GNG12: variants seen among roughly 807,000 people sequenced by gnomAD.
GNG12 encodes G protein subunit gamma 12.
For missense variants in GNG12, 69 were observed against 83.8 expected (o/e 0.82, Z 0.69); for synonymous variants, 28 against 29.7 (o/e 0.94, Z 0.19).
At chr1:67,750,967 C>T (rs1255308333) in intron 2 of GNG12, among the ~76,000 whole-genome samples, 1 of 152,170 alleles carries the variant, frequency 6.6e-6, no homozygotes, top group Admixed American at 6.5e-5. Context: ...ATAACACTAA[C>T]AGGTAAGGAG....
chr1:67,722,900 T>C (rs1646364038), intron 2 of GNG12, among the ~76,000 whole-genome samples: 1 of 152,134 alleles, frequency 6.6e-6, no homozygotes, highest in South Asian at 2.1e-4. Flanking sequence ...TGCCACTTAA[T>C]GTTGTATAAT....
rs567208308 is a variant in GNG12, at chr1:67,793,395, A to G, written c.-76-15888T>C. Among the ~76,000 whole-genome samples the G allele has an allele frequency of 1.1e-3, 169 of 152,334 alleles. 2 individuals are homozygous for G. The highest frequency in any genetic ancestry group is 8.7e-3 in the South Asian group (42 of 4,830). ...CTTTGATTTCCATGTATTTCTTTAAAGCTTAAAAATTTTGATCTTTGTGAT... is the reference window on the plus strand; with the variant it reads ...CTTTGATTTCCATGTATTTCTTTAAGGCTTAAAAATTTTGATCTTTGTGAT... On this transcript the variant is annotated intron_variant, in intron 1 of 3. Coordinates refer to ENST00000370982, the MANE Select transcript of GNG12 (RefSeq NM_018841.6).
At chr1:67,739,596 G>C (rs1646471492) in intron 2 of GNG12, among the ~76,000 whole-genome samples, 1 of 152,188 alleles carries the variant, frequency 6.6e-6, no homozygotes, top group African/African-American at 2.4e-5. Flanking sequence ...GTGTTCATGA[G>C]CTACATCTTC....
At chr1:67,758,309 A>G (rs1038562421) in intron 2 of GNG12, among the ~76,000 whole-genome samples, 10 of 152,226 alleles carry the variant, frequency 6.6e-5, no homozygotes, top group African/African-American at 1.7e-4. Context: ...AACACATTAG[A>G]ATAAACAAAC....
At chr1:67,776,487 T>C (rs570978018) in intron 2 of GNG12, among the ~76,000 whole-genome samples, 2 of 152,332 alleles carry the variant, frequency 1.3e-5, no homozygotes, top group African/African-American at 4.8e-5. Context: ...AACAATGTTG[T>C]GTGAATTCTG....
chr1:67,828,511 T>C (rs1259012750), intron 1 of GNG12, among the ~76,000 whole-genome samples: 3 of 152,168 alleles, frequency 2.0e-5, no homozygotes, highest in Non-Finnish European at 4.4e-5. Context: ...CTCTGGGCTG[T>C]TGTGACAACT....
chr1:67,739,503 A>G (rs1349795282), intron 2 of GNG12, among the ~76,000 whole-genome samples: 3 of 152,240 alleles, frequency 2.0e-5, no homozygotes, highest in Non-Finnish European at 2.9e-5. Context: ...CAACTGATGA[A>G]AAGTATTGGG....
At chr1:67,714,131 A>T (rs2100679245) in intron 2 of GNG12, among the ~76,000 whole-genome samples, 1 of 152,306 alleles carries the variant, frequency 6.6e-6, no homozygotes, top group Admixed American at 6.5e-5. Flanking sequence ...CTTTAAATTG[A>T]ATGTCAACGT....
intron 1 of GNG12, among the ~76,000 whole-genome samples, chr1:67,813,161 T>C (rs1448048142): frequency 9.5e-6 from 1 of 105,580 alleles, no homozygotes; most frequent in Non-Finnish European, 2.1e-5. Context: ...CAAGAGAACA[T>C]GCTCTTGGAC....
intron 2 of GNG12, among the ~76,000 whole-genome samples, chr1:67,774,149 T>G (rs1646691002): frequency 6.6e-6 from 1 of 152,180 alleles, no homozygotes; most frequent in African/African-American, 2.4e-5. Context: ...AAGTAACTGG[T>G]GTGCTTTTAT....
chr1:67,749,336 G>A (rs1039545311), intron 2 of GNG12, among the ~76,000 whole-genome samples: 3 of 152,060 alleles, frequency 2.0e-5, no homozygotes, highest in Admixed American at 1.3e-4. Context: ...TAAGATAACA[G>A]TATTAGGAGT....
intron 1 of GNG12, among the ~76,000 whole-genome samples, chr1:67,811,567 C>T (rs1646926170): frequency 6.6e-6 from 1 of 152,158 alleles, no homozygotes; most frequent in Non-Finnish European, 1.5e-5. Context: ...ATCTTACATG[C>T]TTGGGACAAA....
intron 1 of GNG12, among the ~76,000 whole-genome samples, chr1:67,792,625 A>G (rs1247572473): frequency 6.6e-6 from 1 of 152,210 alleles, no homozygotes; most frequent in East Asian, 1.9e-4. Context: ...AAGCTAATAA[A>G]GACATTGTCT....
intron 2 of GNG12, among the ~76,000 whole-genome samples, chr1:67,715,911 C>G (rs1391889023): frequency 1.3e-5 from 2 of 152,194 alleles, no homozygotes; most frequent in African/African-American, 2.4e-5. Flanking sequence ...ACATCCCAAA[C>G]TCTAAAACTT....
chr1:67,715,760 C>T (rs1646321840), intron 2 of GNG12, among the ~76,000 whole-genome samples: 1 of 152,200 alleles, frequency 6.6e-6, no homozygotes, highest in East Asian at 1.9e-4. Context: ...GCTCATTCTG[C>T]TAACTTTGCC....
chr1:67,759,632 A>C (rs1646590795), intron 2 of GNG12, among the ~76,000 whole-genome samples: 1 of 152,186 alleles, frequency 6.6e-6, no homozygotes, highest in Non-Finnish European at 1.5e-5. Flanking sequence ...TGTTTTGTAT[A>C]ATACCTTATA....
chr1:67,788,821 T>C (rs1005129147), intron 1 of GNG12, among the ~76,000 whole-genome samples: 2 of 152,260 alleles, frequency 1.3e-5, no homozygotes, highest in Admixed American at 1.3e-4. Context: ...ACAACAAGAA[T>C]GCACTATAGT....
intron 1 of GNG12, among the ~76,000 whole-genome samples, chr1:67,817,437 C>T (rs1237424877): frequency 6.6e-6 from 1 of 152,222 alleles, no homozygotes; most frequent in Non-Finnish European, 1.5e-5. Context: ...AGTCACATGG[C>T]TAGTGAATGG....
At chr1:67,728,447 C>T (rs1403519949) in intron 2 of GNG12, among the ~76,000 whole-genome samples, 1 of 152,204 alleles carries the variant, frequency 6.6e-6, no homozygotes, top group Non-Finnish European at 1.5e-5. Context: ...ATATTCTGCA[C>T]CCCTTGTTTG....
Sources: allele counts gnomAD v4.1 joint callset (sites outside exome capture counted in the v4.1 genomes callset), GRCh38; gene constraint gnomAD v4.1.1; transcripts MANE v1.5; gene names NCBI Gene and HGNC (gene_info 2026-07-23, HGNC 2026-07-21).